FMO3: variants seen among roughly 807,000 people sequenced by gnomAD.
FMO3 encodes flavin containing dimethylaniline monoxygenase 3.
FMO3 carries 40 observed loss-of-function variants against 39.4 expected under a neutral mutation model. That is an observed-to-expected ratio of 1.02 (90% confidence interval 0.79 to 1.32). The LOEUF (loss-of-function observed/expected upper bound fraction) is 1.32. Among genes scored for constraint, FMO3 ranks in the 40% most tolerant of loss-of-function variants. FMO3 has a pLI of 0.00. For missense variants in FMO3, 680 were observed against 651.8 expected (o/e 1.04, Z -0.47); for synonymous variants, 219 against 228.8 (o/e 0.96, Z 0.39).
At chr1:171,116,307 G>A (rs1291454517) in intron 8 of FMO3, 27 bp downstream of exon 8, 2 of 1,214,722 alleles carry the variant, frequency 1.6e-6, no homozygotes, top group East Asian at 2.3e-5. Flanking sequence ...TAATAGGAGT[G>A]TAGGATTTCC....
At chr1:171,095,919 T>TAA (rs1297708997) in intron 2 of FMO3, among the ~76,000 whole-genome samples, 93,757 of 95,770 alleles carry the variant, frequency 0.98, 45,895 homozygotes, top group East Asian at 1. Context: ...TAAATATATA[T>TAA]TTATATAATT....
At chr1:171,099,746 T>G (rs1048007786) in intron 2 of FMO3, 4 of 149,454 alleles carry the variant, frequency 2.7e-5, no homozygotes, top group Non-Finnish European at 5.9e-5. Flanking sequence ...CCTATCGAGC[T>G]GACCATGTCT....
chr1:171,092,907 T>A lies in FMO3; in HGVS notation c.132+117T>A, dbSNP rs1026661928. ...ATGGCAGTTATCATATCTGTTAGAA[T>A]TGGAATCCACTAAGTACAGTGTCAA... is the stretch of plus-strand genomic sequence containing the variant. On this transcript the variant is annotated intron_variant, in intron 2 of 8. Coordinates refer to ENST00000367755, the MANE Select transcript of FMO3 (RefSeq NM_001002294.3). The A allele has an allele frequency of 3.9e-5, 44 of 1,128,662 alleles. 1 individual carries two copies. Among genetic ancestry groups the A allele is most frequent in the Middle Eastern group, 2.8e-4 (1 of 3,556 alleles). The allele number at this position is 1,128,662 out of a possible 1,614,324, so 69.9% of individuals were successfully genotyped here.
At chr1:171,092,847 A>G in intron 2 of FMO3, 57 bp downstream of exon 2, 2 of 1,584,400 alleles carry the variant, frequency 1.3e-6, no homozygotes, top group East Asian at 2.2e-5. Flanking sequence ...GTATAAGAGC[A>G]CACTGTGTGC....
intron 2 of FMO3, among the ~76,000 whole-genome samples, chr1:171,097,618 A>G (rs1655169173): frequency 7.0e-6 from 1 of 142,010 alleles, no homozygotes; most frequent in Admixed American, 7.2e-5. Flanking sequence ...CATGTCCTTC[A>G]CCCACTTTTT....
At chr1:171,114,895 A>G (rs912640472) in intron 7 of FMO3, among the ~76,000 whole-genome samples, 36 of 152,234 alleles carry the variant, frequency 2.4e-4, no homozygotes, top group African/African-American at 8.7e-4. Flanking sequence ...AAGAACAAAC[A>G]GTGGATCAAT....
intron 5 of FMO3, 89 bp from the exon 6 acceptor site, chr1:171,110,709 A>T: frequency 8.4e-7 from 1 of 1,189,384 alleles, no homozygotes; most frequent in Non-Finnish European, 1.3e-6. Context: ...GGGGTAATAG[A>T]TCCATTCCTC....
intron 3 of FMO3, among the ~76,000 whole-genome samples, chr1:171,105,749 C>A (rs767459045): frequency 6.6e-6 from 1 of 151,800 alleles, no homozygotes; most frequent in African/African-American, 2.4e-5. Flanking sequence ...CAGAAAACCA[C>A]GTTTATTTAA....
At chr1:171,113,396 A>G (rs1163670011) in intron 6 of FMO3, among the ~76,000 whole-genome samples, 1 of 152,126 alleles carries the variant, frequency 6.6e-6, no homozygotes. Flanking sequence ...TCATCCCTCA[A>G]GAGCCCAGCT....
chr1:171,113,863 T>A, intron 6 of FMO3, 144 bp from the exon 7 acceptor site: 1 of 562,590 alleles, frequency 1.8e-6, no homozygotes, highest in Non-Finnish European at 3.1e-6. Flanking sequence ...ATCAATTTTG[T>A]TCTTCAGCCA....
intron 3 of FMO3, 132 bp downstream of exon 3, chr1:171,104,105 C>T: frequency 2.7e-6 from 2 of 743,786 alleles, no homozygotes; most frequent in South Asian, 3.1e-5. Flanking sequence ...GCCTCTCTAA[C>T]TCTAGGTTTA....
At position 171,110,900 on chromosome 1, in the gene FMO3, A is replaced by G. The variant is rs747478660; in HGVS notation, c.730A>G (p.Lys244Glu). Residue 244 changes from lysine (K) to glutamate (E), a missense_variant, in exon 6 of 9, where the codon AAG becomes GAG. Lys to Glu is a moderately conservative substitution (Grantham distance 56). Transcript: ENST00000367755. The part of the protein sequence containing the change: ...LLVTRFGTFL[K>E]NNLPTAISDW... ...CGTCACTCGATTTGGAACCTTCCTC[A>G]AGAACAATTTACCGACAGCCATCTC... 2.5e-6 allele frequency: 4 copies of G among 1,613,988 alleles called. No homozygotes were observed. Among genetic ancestry groups the G allele is most frequent in the Non-Finnish European group, 3.4e-6 (4 of 1,179,926 alleles).
chr1:171,091,508 T>C (rs556187423), intron 1 of FMO3, among the ~76,000 whole-genome samples: 6 of 151,886 alleles, frequency 4.0e-5, no homozygotes, highest in Non-Finnish European at 8.8e-5. Context: ...CAGAAAAAAG[T>C]TAGGAAACGT....
At chr1:171,107,961 C>T (rs967100680) in intron 4 of FMO3, 118 bp from the exon 5 acceptor site, 5 of 1,363,012 alleles carry the variant, frequency 3.7e-6, no homozygotes, top group Non-Finnish European at 5.2e-6. Context: ...ATCTAATATG[C>T]TTGGTGTGTT....
rs1557933421 is a variant in FMO3, at chr1:171,096,081, A to ATATATAAATATATAATATATAT, written c.132+3297_132+3298insAATATATAATATATATTATATA. ...AATATATATTATATATTAATATATA[A>ATATATAAATATATAATATATAT]TATATATTAATATTTTTATATAATT... On this transcript the variant is annotated intron_variant, in intron 2 of 8. Coordinates refer to ENST00000367755, the MANE Select transcript of FMO3 (RefSeq NM_001002294.3). 3.6e-3 allele frequency among the ~76,000 whole-genome samples: 203 copies of ATATATAAATATATAATATATAT among 56,014 alleles called. 14 individuals are homozygous for ATATATAAATATATAATATATAT. Among genetic ancestry groups the ATATATAAATATATAATATATAT allele is most frequent in the Non-Finnish European group, 5.5e-3 (176 of 31,832 alleles). 36.7% of individuals were successfully genotyped at this position (56,014 alleles called of 152,430 possible).
At chr1:171,096,364 T>C (rs1292404820) in intron 2 of FMO3, among the ~76,000 whole-genome samples, 14 of 87,606 alleles carry the variant, frequency 1.6e-4, no homozygotes, top group Non-Finnish European at 2.3e-4. Context: ...TATAAAAATA[T>C]ATATATTATA....
At chr1:171,092,855 T>C in intron 2 of FMO3, 65 bp downstream of exon 2, 1 of 1,545,876 alleles carries the variant, frequency 6.5e-7, no homozygotes, top group Non-Finnish European at 8.9e-7. Context: ...GCACACTGTG[T>C]GCACACAGGT....
rs923866289 is a variant in FMO3 at position 171,098,067 on chromosome 1, T to A, written c.132+5277T>A. 1.3e-4 allele frequency among the ~76,000 whole-genome samples: 20 copies of A among 152,324 alleles called. No individual in the cohort carries two copies. In the East Asian group the frequency reaches 3.5e-3, roughly 26 times the overall value. On this transcript the variant is annotated intron_variant, in intron 2 of 8. Coordinates refer to ENST00000367755, the MANE Select transcript of FMO3 (RefSeq NM_001002294.3). ...TAGGGCATCCTTTCCCCATTTCTTGTTTTTGTCAGGTTTGTCAAAGATCAG... is the reference window on the plus strand; with the variant it reads ...TAGGGCATCCTTTCCCCATTTCTTGATTTTGTCAGGTTTGTCAAAGATCAG...
intron 3 of FMO3, 114 bp downstream of exon 3, chr1:171,104,087 A>G (rs1329157286): frequency 3.7e-6 from 3 of 815,806 alleles, no homozygotes; most frequent in Admixed American, 2.0e-5. Flanking sequence ...AACATTTTTA[A>G]CAGTGTGGCC....
Sources: allele counts gnomAD v4.1 joint callset (sites outside exome capture counted in the v4.1 genomes callset), GRCh38; gene constraint gnomAD v4.1.1; transcripts MANE v1.5; gene names NCBI Gene and HGNC (gene_info 2026-07-23, HGNC 2026-07-21).